PMVK: variants seen among roughly 807,000 people sequenced by gnomAD.
PMVK encodes phosphomevalonate kinase.
Under a neutral mutation model 19.0 loss-of-function variants are expected in PMVK, and 10 were observed. The ratio of observed to expected loss-of-function variants is 0.53; its 90% confidence interval spans 0.32 to 0.89. The LOEUF is 0.89. PMVK is among the 40% of genes least tolerant of loss of function. The pLI, the probability that PMVK is intolerant of heterozygous loss-of-function variation, is 0.03. For missense variants in PMVK, 222 were observed against 251.1 expected, an observed-to-expected ratio of 0.88 and a Z score of 0.78; for synonymous variants, 108 against 101.6, an observed-to-expected ratio of 1.06 and a Z score of -0.38.
chr1:154,936,834 C>G (rs900184902), upstream of PMVK: 1 of 656,394 alleles, frequency 1.5e-6, no homozygotes, highest in Non-Finnish European at 2.7e-6. Flanking sequence ...CAGGGCTGAC[C>G]GCCCGCGACC....
chr1:154,930,256 A>G (rs1654293438), intron 2 of PMVK, among the ~76,000 whole-genome samples: 1 of 152,074 alleles, frequency 6.6e-6, no homozygotes, highest in Non-Finnish European at 1.5e-5. Context: ...TCAGGAGTTC[A>G]AGACCAGCCT....
At chr1:154,942,031 G>C in the PMVK span, among the ~76,000 whole-genome samples, 7 of 152,224 alleles carry the variant, frequency 4.6e-5, no homozygotes, top group Non-Finnish European at 8.8e-5. Flanking sequence ...CTGGCCAAAG[G>C]AAATAGAATT....
At chr1:154,933,161 G>A (rs1654388533) in intron 1 of PMVK, among the ~76,000 whole-genome samples, 1 of 152,072 alleles carries the variant, frequency 6.6e-6, no homozygotes, top group Non-Finnish European at 1.5e-5. Context: ...AAAGCCAGGT[G>A]TGGTGGCTCA....
Position 154,926,434 on chromosome 1 carries a change from G to C in PMVK, c.362C>G (p.Ala121Gly), listed in dbSNP as rs1654162823. 2 of 1,613,726 alleles carry C rather than the reference G, an allele frequency of 1.2e-6. No homozygotes were observed. The highest frequency in any genetic ancestry group is 1.1e-5 in the South Asian group (1 of 91,052). Residue 121 changes from alanine to glycine, a missense_variant, in exon 4 of 5, where the codon GCC becomes GGC. Physicochemically the swap from Ala to Gly is moderately conservative, Grantham distance 60. Transcript: ENST00000368467. ...GACCGTCTGCGTCACGGCCCCATAG[G>C]CCTCCCGAAACCACTGGATGTCAGA... is the stretch of plus-strand genomic sequence containing the variant. Reference protein sequence around the residue: ...RVSDIQWFREAYGAVTQTVRV... With the variant: ...RVSDIQWFREGYGAVTQTVRV...
At chr1:154,933,490 C>CTTTT (rs397860434) in intron 1 of PMVK, among the ~76,000 whole-genome samples, 10 of 113,956 alleles carry the variant, frequency 8.8e-5, no homozygotes, top group Non-Finnish European at 1.0e-4. Flanking sequence ...CTTAACCAAC[C>CTTTT]TTTTTTTTTT....
At chr1:154,935,037 T>C in intron 1 of PMVK, among the ~76,000 whole-genome samples, 1 of 117,476 alleles carries the variant, frequency 8.5e-6, no homozygotes, top group African/African-American at 3.6e-5. Flanking sequence ...CCAGCCTGGG[T>C]GACAGAGCAA....
intron 2 of PMVK, 52 bp downstream of exon 2, chr1:154,932,300 G>C: frequency 7.5e-7 from 1 of 1,324,992 alleles, no homozygotes; most frequent in Non-Finnish European, 1.1e-6. Flanking sequence ...CAGCTCCAAA[G>C]TCCTGGAGCC....
intron 3 of PMVK, 97 bp from the exon 4 acceptor site, chr1:154,926,580 C>A: frequency 4.0e-6 from 4 of 1,002,364 alleles, no homozygotes; most frequent in Non-Finnish European, 6.0e-6. Flanking sequence ...TGGGGTGTGG[C>A]TCTACCCCCC....
At chr1:154,930,633 G>A (rs1654306848) in intron 2 of PMVK, among the ~76,000 whole-genome samples, 1 of 149,294 alleles carries the variant, frequency 6.7e-6, no homozygotes, top group Non-Finnish European at 1.5e-5. Flanking sequence ...AAGTGCCTAG[G>A]CCCCACTAGG....
chr1:154,940,958 T>C (rs898500153), upstream of PMVK, among the ~76,000 whole-genome samples: 1 of 152,228 alleles, frequency 6.6e-6, no homozygotes, highest in Non-Finnish European at 1.5e-5. Context: ...AGCCTTTTCA[T>C]GTATCTTACA....
upstream of PMVK, chr1:154,936,778 A>G (rs1350293985): frequency 1.7e-6 from 2 of 1,172,636 alleles, no homozygotes; most frequent in Non-Finnish European, 2.4e-6. Context: ...CACTAAGCGG[A>G]GCGGCAACAA....
At chr1:154,942,566 C>T in the PMVK span, among the ~76,000 whole-genome samples, 1 of 152,238 alleles carries the variant, frequency 6.6e-6, no homozygotes, top group Admixed American at 6.5e-5. Context: ...CCCAGCCCTC[C>T]CCAACATACC....
rs573610541 is a variant in PMVK, at chr1:154,934,909, A to C, written c.95+1682T>G. Among the ~76,000 whole-genome samples, 229 of 151,962 alleles carry C rather than the reference A, an allele frequency of 1.5e-3. 1 individual carries two copies. Among genetic ancestry groups the C allele is most frequent in the African/African-American group, 5.3e-3 (221 of 41,408 alleles). On this transcript the variant is annotated intron_variant, in intron 1 of 4. Transcript: ENST00000368467. ...GAAACCTGTCTCTACTAAAAATACAAAAGTTAGCTGGGCATGGTGGCACAC... is the reference window on the plus strand; with the variant it reads ...GAAACCTGTCTCTACTAAAAATACACAAGTTAGCTGGGCATGGTGGCACAC...
At chr1:154,935,438 G>A (rs1387281054) in intron 1 of PMVK, among the ~76,000 whole-genome samples, 1 of 152,164 alleles carries the variant, frequency 6.6e-6, no homozygotes, top group Non-Finnish European at 1.5e-5. Flanking sequence ...AAATGCTCCT[G>A]CACAGAAGAT....
intron 1 of PMVK, 188 bp downstream of exon 1, chr1:154,936,403 T>C: frequency 5.1e-6 from 5 of 985,434 alleles, no homozygotes; most frequent in Non-Finnish European, 6.0e-6. Flanking sequence ...ACCTGCTTCT[T>C]TGAGGCTCGC....
At position 154,929,119 on chromosome 1, in the gene PMVK, G is replaced by A. The variant is rs1214782873; in HGVS notation, c.217C>T (p.Arg73Trp). The A allele has an allele frequency of 5.6e-6, 9 of 1,613,958 alleles. No homozygotes were observed. Among genetic ancestry groups the A allele is most frequent in the South Asian group, 5.5e-5 (5 of 91,088 alleles). ...LDTSTYKEAF[R>W]KDMIRWGEEK... ...TCTCCCCAGCGGATCATGTCCTTCC[G>A]AAAGGCCTCCTTGTAGGTGCTGGTG... Residue 73 changes from arginine (R) to tryptophan (W), a missense_variant, in exon 3 of 5, where the codon CGG becomes TGG. By Grantham distance (101) the Arg-to-Trp change is moderately radical. Transcript: ENST00000368467.
chr1:154,939,591 G>A (rs562261057), upstream of PMVK, among the ~76,000 whole-genome samples: 9 of 151,442 alleles, frequency 5.9e-5, no homozygotes, highest in Middle Eastern at 3.4e-3. Flanking sequence ...AGCTACACTC[G>A]GGAGGCTGAG....
intron 2 of PMVK, among the ~76,000 whole-genome samples, chr1:154,931,039 T>A (rs1257199089): frequency 6.6e-6 from 1 of 151,942 alleles, no homozygotes; most frequent in Non-Finnish European, 1.5e-5. Flanking sequence ...CAGTGAGCCA[T>A]TATGCGCCAC....
intron 3 of PMVK, 26 bp from the exon 4 acceptor site, chr1:154,926,509 C>T (rs1250822053): frequency 3.1e-5 from 50 of 1,610,390 alleles, no homozygotes; most frequent in Non-Finnish European, 4.2e-5. Context: ...AGACAGGTGA[C>T]CAACAGGACA....
Sources: gnomAD v4.1 joint callset for allele counts (sites outside exome capture counted in the v4.1 genomes callset) on GRCh38, gnomAD v4.1.1 for gene constraint, MANE v1.5 for transcripts, NCBI Gene and HGNC (gene_info 2026-07-23, HGNC 2026-07-21) for gene names.